The following ANKIB1 variants were observed in gnomAD, a reference collection of about 807,000 sequenced individuals.
ANKIB1 encodes the protein ankyrin repeat and IBR domain-containing protein 1.
A neutral mutation model predicts 122.1 loss-of-function variants in ANKIB1; 43 were observed. The observed-to-expected ratio is 0.35, with a 90% CI of 0.28 to 0.45. The LOEUF (loss-of-function observed/expected upper bound fraction) is 0.45, where lower values mean the gene tolerates loss of function less well. ANKIB1 is among the 20% of genes least tolerant of loss of function. ANKIB1 has a pLI of 1.00. For missense variants in ANKIB1, 992 were observed against 1,329.5 expected, an observed-to-expected ratio of 0.75 and a Z score of 3.95; for synonymous variants, 390 against 442.0, an observed-to-expected ratio of 0.88 and a Z score of 1.48.
chr7:92,253,750 GTGTGT>G (rs1801379751), intron 1 of ANKIB1, among the ~76,000 whole-genome samples: 1 of 151,510 alleles, frequency 6.6e-6, no homozygotes, highest in Non-Finnish European at 1.5e-5. Context: ...ATGTGAGTAT[GTGTGT>G]ACATTCAGAC....
intron 11 of ANKIB1, among the ~76,000 whole-genome samples, chr7:92,385,364 A>G (rs1047504100): frequency 9.9e-5 from 15 of 152,238 alleles, no homozygotes; most frequent in Admixed American, 6.5e-4. Flanking sequence ...CATTTGATCC[A>G]GCGATCCCAT....
At chr7:92,357,946 T>C (rs1803857831) in intron 9 of ANKIB1, among the ~76,000 whole-genome samples, 1 of 152,102 alleles carries the variant, frequency 6.6e-6, no homozygotes, top group South Asian at 2.1e-4. Flanking sequence ...TTTTATAGTA[T>C]TAAATGGCAA....
intron 1 of ANKIB1, among the ~76,000 whole-genome samples, chr7:92,289,234 T>A (rs1296370193): frequency 6.6e-6 from 1 of 152,222 alleles, no homozygotes; most frequent in East Asian, 1.9e-4. Flanking sequence ...TCTTAGTGCA[T>A]TTTGCTTAAA....
At chr7:92,320,959 T>C (rs1802899314) in intron 4 of ANKIB1, among the ~76,000 whole-genome samples, 1 of 152,156 alleles carries the variant, frequency 6.6e-6, no homozygotes. Flanking sequence ...CGGCACACTT[T>C]GCTCTAATTG....
At chr7:92,340,921 A>G (rs1803424320) in intron 5 of ANKIB1, among the ~76,000 whole-genome samples, 1 of 152,238 alleles carries the variant, frequency 6.6e-6, no homozygotes, top group Non-Finnish European at 1.5e-5. Context: ...AATAACAGTG[A>G]ACTATAAGTT....
chr7:92,388,480 G>A (rs1457895250), intron 14 of ANKIB1, among the ~76,000 whole-genome samples: 4 of 152,204 alleles, frequency 2.6e-5, no homozygotes, highest in African/African-American at 7.2e-5. Context: ...AACAGTTTGG[G>A]AAGAAATCAT....
At chr7:92,264,205 G>A (rs1238413868) in intron 1 of ANKIB1, among the ~76,000 whole-genome samples, 6 of 148,232 alleles carry the variant, frequency 4.0e-5, no homozygotes, top group East Asian at 4.0e-4. Flanking sequence ...TTCTGGAAGC[G>A]AAAAGGAGGG....
intron 9 of ANKIB1, among the ~76,000 whole-genome samples, chr7:92,361,727 G>A (rs971275337): frequency 6.6e-6 from 1 of 151,240 alleles, no homozygotes; most frequent in African/African-American, 2.4e-5. Context: ...CATTTTTAGT[G>A]CCTCCATTGA....
chr7:92,265,717 A>T (rs1801659085), intron 1 of ANKIB1, among the ~76,000 whole-genome samples: 1 of 152,228 alleles, frequency 6.6e-6, no homozygotes, highest in African/African-American at 2.4e-5. Flanking sequence ...GTATATTTTC[A>T]GGCTAAGAAA....
chr7:92,311,725 CACA>C (rs386715776), intron 3 of ANKIB1, among the ~76,000 whole-genome samples: 15 of 123,026 alleles, frequency 1.2e-4, no homozygotes, highest in African/African-American at 4.2e-4. Context: ...GCGCCCCCCC[CACA>C]CACACACACA....
At chr7:92,343,820 A>G (rs1168870998) in intron 6 of ANKIB1, among the ~76,000 whole-genome samples, 1 of 152,240 alleles carries the variant, frequency 6.6e-6, no homozygotes, top group Non-Finnish European at 1.5e-5. Flanking sequence ...TATTTGTTTC[A>G]GTAAAGCTTC....
chr7:92,299,130 A>G (rs906083329), intron 2 of ANKIB1, among the ~76,000 whole-genome samples: 3 of 152,230 alleles, frequency 2.0e-5, no homozygotes, highest in Non-Finnish European at 4.4e-5. Context: ...ATTTGTTGCT[A>G]ATGATAAAAT....
intron 9 of ANKIB1, among the ~76,000 whole-genome samples, chr7:92,354,748 A>C (rs561161517): frequency 1.3e-5 from 2 of 152,210 alleles, no homozygotes; most frequent in South Asian, 4.1e-4. Flanking sequence ...CTGTAATTTT[A>C]AAATCTAAGT....
At chr7:92,337,156 T>G (rs1398963462) in intron 5 of ANKIB1, among the ~76,000 whole-genome samples, 1 of 152,206 alleles carries the variant, frequency 6.6e-6, no homozygotes, top group African/African-American at 2.4e-5. Context: ...CAGTCACCAA[T>G]TCGTCCTTTA....
At chr7:92,344,226 C>T (rs866066574) in intron 6 of ANKIB1, among the ~76,000 whole-genome samples, 14 of 93,434 alleles carry the variant, frequency 1.5e-4, no homozygotes, top group East Asian at 8.2e-4. Context: ...TTTTTTGAGA[C>T]GGAGTTTCAC....
At chr7:92,377,322 A>G (rs563258488) in intron 11 of ANKIB1, among the ~76,000 whole-genome samples, 1 of 152,308 alleles carries the variant, frequency 6.6e-6, no homozygotes, top group Non-Finnish European at 1.5e-5. Flanking sequence ...CAGAACACAT[A>G]CAACATATAT....
rs1176105331 is a variant in ANKIB1 at position 92,245,977 on chromosome 7, T to G, written c.-633T>G. ...GGTTGGCGGTGAAAGAGCTTCCGGG[T>G]CGGCGGCCGGGCTGCTGCCGTTCCT... On this transcript the variant is annotated 5_prime_UTR_variant, in exon 1 of 20. Coordinates refer to ENST00000265742, the MANE Select transcript of ANKIB1 (RefSeq NM_019004.2). The G allele has an allele frequency of 8.6e-6, 2 of 233,422 alleles. No homozygotes were observed. The highest frequency in any genetic ancestry group is 8.4e-6 in the Non-Finnish European group (1 of 118,426). 14.5% of individuals were successfully genotyped at this position (233,422 alleles called of 1,614,324 possible). A position where few individuals can be genotyped will look rare whatever the true frequency, so the allele number is the denominator to read the frequency against.
intron 1 of ANKIB1, among the ~76,000 whole-genome samples, chr7:92,247,239 T>C (rs1563342430): frequency 6.6e-6 from 1 of 152,250 alleles, no homozygotes; most frequent in Non-Finnish European, 1.5e-5. Flanking sequence ...AATGTAAAGA[T>C]AAGAGTCTGC....
intron 3 of ANKIB1, among the ~76,000 whole-genome samples, chr7:92,318,895 C>G (rs1215217182): frequency 6.6e-6 from 1 of 152,182 alleles, no homozygotes; most frequent in Admixed American, 6.5e-5. Flanking sequence ...AAACTTTTGT[C>G]TGCCATGCCA....
Sources: allele counts gnomAD v4.1 joint callset (sites outside exome capture counted in the v4.1 genomes callset), GRCh38; gene constraint gnomAD v4.1.1; transcripts MANE v1.5; gene names NCBI Gene and HGNC (gene_info 2026-07-23, HGNC 2026-07-21).